TBC1D4: variants seen among roughly 807,000 people sequenced by gnomAD.
TBC1D4 encodes TBC (Tre-2, BUB2, CDC16) domain-containing protein.
Under a neutral mutation model 142.5 loss-of-function variants are expected in TBC1D4, and 121 were observed. That is an observed-to-expected ratio of 0.85 (90% CI 0.73 to 0.99). TBC1D4 has a LOEUF of 0.99. TBC1D4 is among the 50% of genes least tolerant of loss of function. The pLI, the probability that TBC1D4 is intolerant of heterozygous loss-of-function variation, is 0.00. For missense variants in TBC1D4, 1,475 were observed against 1,606.6 expected (o/e 0.92, Z 1.40); for synonymous variants, 630 against 628.2 (o/e 1.00, Z -0.04).
chr13:75,314,660 A>G (rs1243538451), intron 12 of TBC1D4, among the ~76,000 whole-genome samples: 1 of 152,148 alleles, frequency 6.6e-6, no homozygotes, highest in Non-Finnish European at 1.5e-5. Context: ...ATATGTGTCC[A>G]TTGTTCAAAA....
chr13:75,326,054 G>A (rs1727068481), intron 10 of TBC1D4, 143 bp downstream of exon 10: 1 of 920,824 alleles, frequency 1.1e-6, no homozygotes, highest in Admixed American at 2.0e-5. Flanking sequence ...CCTAGTAAAT[G>A]AGGTAACTTA....
chr13:75,297,528 T>C (rs1223608156), intron 17 of TBC1D4, among the ~76,000 whole-genome samples: 4 of 152,034 alleles, frequency 2.6e-5, no homozygotes, highest in African/African-American at 9.7e-5. Context: ...TCAAGGCAGG[T>C]GGATCACCTG....
At position 75,453,909 on chromosome 13, in the gene TBC1D4, A is replaced by G. The variant is rs377399081; in HGVS notation, c.498+27361T>C. ...TTAATAATATCGAAAAAGAAAAATC[A>G]TATGTGGATCCTGTTACCTGGCATT... On this transcript the variant is annotated intron_variant, in intron 1 of 20. Coordinates refer to ENST00000377636, the MANE Select transcript of TBC1D4 (RefSeq NM_014832.5). 2.0e-5 allele frequency among the ~76,000 whole-genome samples: 3 copies of G among 152,104 alleles called. No individual in the cohort carries two copies. The South Asian group carries it at 6.2e-4, about 32-fold the overall frequency.
intron 1 of TBC1D4, among the ~76,000 whole-genome samples, chr13:75,373,850 G>A (rs9600461): frequency 0.012 from 1,838 of 152,180 alleles, 44 homozygotes; most frequent in African/African-American, 0.038. Flanking sequence ...AATATCAAAC[G>A]CTCCCTTCCC....
At chr13:75,359,977 C>A in intron 2 of TBC1D4, 119 bp from the exon 3 acceptor site, 1 of 833,176 alleles carries the variant, frequency 1.2e-6, no homozygotes, top group Non-Finnish European at 2.0e-6. Context: ...ATATGTATTT[C>A]ATATGTGCTT....
rs146551719 is a variant in TBC1D4 at position 75,420,070 on chromosome 13, G to A, written c.499-57463C>T. 1.6e-3 allele frequency among the ~76,000 whole-genome samples: 244 copies of A among 152,324 alleles called. 5 individuals carry two copies. Among genetic ancestry groups the A allele is most frequent in the Admixed American group, 0.014 (212 of 15,298 alleles). ...GAGGAGAGGGAGGAACATATCAGAA[G>A]AAGGGCAAGTACCACATTTTGGCAG... On this transcript the variant is annotated intron_variant, in intron 1 of 20. Transcript: ENST00000377636.
At chr13:75,391,033 CA>C (rs1317652320) in intron 1 of TBC1D4, among the ~76,000 whole-genome samples, 5 of 602 alleles carry the variant, frequency 8.3e-3, no homozygotes, top group East Asian at 0.05. Context: ...ATTCCCCCAC[CA>C]CACACACACA....
At chr13:75,334,822 A>G (rs1880062232) in intron 8 of TBC1D4, among the ~76,000 whole-genome samples, 1 of 152,100 alleles carries the variant, frequency 6.6e-6, no homozygotes, top group Non-Finnish European at 1.5e-5. Context: ...ATCTGGTTAC[A>G]TGAGTAAGTT....
intron 1 of TBC1D4, among the ~76,000 whole-genome samples, chr13:75,438,459 C>T (rs1886893065): frequency 6.6e-6 from 1 of 152,094 alleles, no homozygotes; most frequent in Admixed American, 6.6e-5. Context: ...GAGCTCTATC[C>T]TAGGTGTATA....
chr13:75,337,144 T>G, intron 7 of TBC1D4, 104 bp from the exon 8 acceptor site: 1 of 1,021,540 alleles, frequency 9.8e-7, no homozygotes, highest in Non-Finnish European at 1.5e-6. Context: ...ACAAGAATTC[T>G]TCAGTAGCTC....
Position 75,369,346 on chromosome 13 carries a change from G to A in TBC1D4, c.499-6739C>T, listed in dbSNP as rs1382534745. 2.6e-5 allele frequency among the ~76,000 whole-genome samples: 4 copies of A among 152,042 alleles called. No homozygotes were observed. In the East Asian group the frequency reaches 7.8e-4, roughly 29 times the overall value. ...CCGTCTCTACAAAAAATTTAAACCA[G>A]GAAGGAGTTGTGGCACATGCCTGTA... On this transcript the variant is annotated intron_variant, in intron 1 of 20. Transcript: ENST00000377636.
intron 1 of TBC1D4, among the ~76,000 whole-genome samples, chr13:75,388,043 G>T (rs1566450310): frequency 6.6e-6 from 1 of 152,140 alleles, no homozygotes; most frequent in Non-Finnish European, 1.5e-5. Context: ...GTTTCTAAAA[G>T]ACATGCAAAT....
chr13:75,353,837 T>C (rs796734495), intron 4 of TBC1D4, among the ~76,000 whole-genome samples: 2 of 152,206 alleles, frequency 1.3e-5, no homozygotes, highest in South Asian at 2.1e-4. Flanking sequence ...GAGGCTGACA[T>C]GGCTTCCTTC....
chr13:75,310,917 C>T (rs1021238862), intron 13 of TBC1D4, among the ~76,000 whole-genome samples: 10 of 152,118 alleles, frequency 6.6e-5, no homozygotes, highest in Non-Finnish European at 1.5e-4. Context: ...GTTTTCTGCT[C>T]CTGTGTTAAT....
chr13:75,427,583 T>C (rs56368857), intron 1 of TBC1D4, among the ~76,000 whole-genome samples: 3,842 of 152,320 alleles, frequency 0.025, 160 homozygotes, highest in African/African-American at 0.087. Context: ...GAGCAGCTAG[T>C]GAACCTCACA....
chr13:75,417,344 C>T (rs931776614), intron 1 of TBC1D4, among the ~76,000 whole-genome samples: 3 of 152,178 alleles, frequency 2.0e-5, no homozygotes, highest in Non-Finnish European at 2.9e-5. Context: ...CTGTGTCCTG[C>T]ACCACCTGCC....
intron 1 of TBC1D4, among the ~76,000 whole-genome samples, chr13:75,435,006 G>A (rs145914485): frequency 0.066 from 9,917 of 150,464 alleles, 436 homozygotes; most frequent in Non-Finnish European, 0.1. Flanking sequence ...AAATTAGCTG[G>A]GCGTTGTGGC....
At chr13:75,345,005 G>GT (rs1458254742) in intron 5 of TBC1D4, among the ~76,000 whole-genome samples, 4 of 152,138 alleles carry the variant, frequency 2.6e-5, no homozygotes, top group Non-Finnish European at 5.9e-5. Flanking sequence ...TTAAATGAAA[G>GT]TAACTGTTTG....
intron 20 of TBC1D4, 42 bp from the exon 21 acceptor site, chr13:75,287,067 T>C (rs756896981): frequency 6.5e-7 from 1 of 1,527,846 alleles, no homozygotes; most frequent in South Asian, 1.1e-5. Flanking sequence ...AATGATTCAT[T>C]ATAGTAGGAG....
Sources: gnomAD v4.1 joint callset for allele counts (sites outside exome capture counted in the v4.1 genomes callset) on GRCh38, gnomAD v4.1.1 for gene constraint, MANE v1.5 for transcripts, NCBI Gene and HGNC (gene_info 2026-07-23, HGNC 2026-07-21) for gene names.